The following KTN1 variants were observed in gnomAD, a reference collection of about 807,000 sequenced individuals.
KTN1 encodes the protein kinectin 1.
KTN1 carries 130 observed loss-of-function variants against 222.5 expected under a neutral mutation model. That is an observed-to-expected ratio of 0.58 (90% confidence interval 0.51 to 0.68). KTN1 has a LOEUF of 0.68. KTN1 is among the 30% of genes least tolerant of loss of function. KTN1 has a pLI of 0.00. For missense variants in KTN1, 1,508 were observed against 1,500.4 expected, an observed-to-expected ratio of 1.01 and a Z score of -0.08; for synonymous variants, 512 against 496.3, an observed-to-expected ratio of 1.03 and a Z score of -0.42.
intron 1 of KTN1, among the ~76,000 whole-genome samples, chr14:55,581,456 T>TGTGAGTGTGTGTGTGTGA (rs1164859230): frequency 2.3e-4 from 35 of 151,826 alleles, no homozygotes; most frequent in African/African-American, 8.2e-4. Context: ...TGTGTGTGTG[T>TGTGAGTGTGTGTGTGTGA]GTGAGTGTGT....
In KTN1 at chr14:55,647,118, A is replaced by G. The variant is rs75802243; in HGVS notation, c.2207+111A>G. The G allele has an allele frequency of 8.1e-3, 5,905 of 726,906 alleles. 268 individuals carry two copies. In the African/African-American group the frequency reaches 0.093, roughly 11 times the overall value. 45.0% of individuals were successfully genotyped at this position (726,906 alleles called of 1,614,324 possible). A position where few individuals can be genotyped will look rare whatever the true frequency, so the allele number is the denominator to read the frequency against. On this transcript the variant is annotated intron_variant, in intron 19 of 43. Transcript: ENST00000395314. The stretch of plus-strand genomic sequence containing the variant: ...AACTTTGTAATGGAAGAAATGTAGT[A>G]TGCTGTTGATTTGGGATTACATTAC...
chr14:55,684,317 CTGTT>C lies in KTN1; in HGVS notation c.*217_*220del, dbSNP rs984086653. 16 of 418,020 alleles carry C rather than the reference CTGTT, an allele frequency of 3.8e-5. No individual in the cohort carries two copies. Among genetic ancestry groups the C allele is most frequent in the African/African-American group, 3.3e-4 (16 of 48,414 alleles). The allele number at this position is 418,020 out of a possible 1,614,324, so 25.9% of individuals were successfully genotyped here. ...TCAGAGTTTAGTTTTATAATAAAAACTGTTTGAATAATTAGACCTTTACATTCCT... is the reference window on the plus strand; with the variant it reads ...TCAGAGTTTAGTTTTATAATAAAAACTGAATAATTAGACCTTTACATTCCT... On this transcript the variant is annotated 3_prime_UTR_variant, in exon 44 of 44. Coordinates refer to ENST00000395314, the MANE Select transcript of KTN1 (RefSeq NM_001079521.2).
At position 55,633,000 on chromosome 14, in the gene KTN1, A is replaced by G. The variant is rs2040706547; in HGVS notation, c.1222-235A>G. ...AGCATGTTTATCTTGTATTTCAAATATGATAGCAGCTAGCATCTACTTGTA... is the reference window on the plus strand; with the variant it reads ...AGCATGTTTATCTTGTATTTCAAATGTGATAGCAGCTAGCATCTACTTGTA... On this transcript the variant is annotated intron_variant, in intron 7 of 43. Coordinates refer to ENST00000395314, the MANE Select transcript of KTN1 (RefSeq NM_001079521.2). Among the ~76,000 whole-genome samples, 3 of 152,364 alleles carry G rather than the reference A, an allele frequency of 2.0e-5. No homozygotes were observed. In the South Asian group the frequency reaches 6.2e-4, roughly 32 times the overall value.
intron 2 of KTN1, among the ~76,000 whole-genome samples, chr14:55,616,104 G>A (rs956184190): frequency 5.3e-5 from 8 of 151,994 alleles, no homozygotes; most frequent in Admixed American, 5.3e-4. Context: ...TCGTAGAGAT[G>A]GAGTTTTGTA....
chr14:55,594,512 T>C (rs1018625001), intron 1 of KTN1, among the ~76,000 whole-genome samples: 43 of 151,758 alleles, frequency 2.8e-4, no homozygotes, highest in African/African-American at 9.7e-4. Context: ...TTTTTTTTTT[T>C]TTTTCATTTT....
At chr14:55,642,965 A>G (rs1227153804) in intron 18 of KTN1, among the ~76,000 whole-genome samples, 1 of 151,158 alleles carries the variant, frequency 6.6e-6, no homozygotes, top group African/African-American at 2.4e-5. Flanking sequence ...GCTGGAGTTC[A>G]GTAGCACTAT....
intron 1 of KTN1, among the ~76,000 whole-genome samples, chr14:55,604,630 T>C (rs1220780547): frequency 6.6e-6 from 1 of 152,244 alleles, no homozygotes; most frequent in African/African-American, 2.4e-5. Flanking sequence ...AGTAGAATGT[T>C]AGCTCTGTGA....
At chr14:55,583,873 C>T (rs923051038) in intron 1 of KTN1, among the ~76,000 whole-genome samples, 3 of 152,128 alleles carry the variant, frequency 2.0e-5, no homozygotes, top group Admixed American at 6.5e-5. Context: ...GGTAAAAAAA[C>T]GTTGGAGTCA....
At chr14:55,665,302 T>C (rs2044597998) in intron 33 of KTN1, among the ~76,000 whole-genome samples, 1 of 152,030 alleles carries the variant, frequency 6.6e-6, no homozygotes, top group South Asian at 2.1e-4. Flanking sequence ...GTTTTATTTT[T>C]TTAGTGGGAC....
chr14:55,678,009 T>G (rs1449631794), intron 41 of KTN1, among the ~76,000 whole-genome samples: 1 of 152,176 alleles, frequency 6.6e-6, no homozygotes, highest in Admixed American at 6.5e-5. Flanking sequence ...CATGGCCCTT[T>G]AAAAAGTAAA....
At position 55,671,865 on chromosome 14, in the gene KTN1, G is replaced by C. The variant is rs1431436342; in HGVS notation, c.3519G>C (p.Lys1173Asn). The change falls in exon 37 of 44, where the codon AAG (lysine) becomes AAC (asparagine). Residue 1173 changes from lysine (K) to asparagine (N), a missense_variant. Lys to Asn is a moderately conservative substitution (Grantham distance 94). Coordinates refer to ENST00000395314, the MANE Select transcript of KTN1 (RefSeq NM_001079521.2). ...KWKVKVDESH[K>N]TIKQMQSSFT... is the part of the protein sequence containing the mutation. The stretch of plus-strand genomic sequence containing the variant: ...AAGTTAAGGTCGATGAATCACACAA[G>C]ACTATTAAACAGGTATTTACAAAAG... 6.3e-7 allele frequency: 1 copy of C among 1,581,006 alleles called. No homozygotes were observed. Among genetic ancestry groups the C allele is most frequent in the African/African-American group, 1.3e-5 (1 of 74,398 alleles).
intron 13 of KTN1, 114 bp downstream of exon 13, chr14:55,639,336 C>T: frequency 3.3e-6 from 2 of 600,946 alleles, no homozygotes; most frequent in South Asian, 3.3e-5. Flanking sequence ...AGAAAATACT[C>T]TGAACTAGAT....
Position 55,669,834 on chromosome 14 carries a change from T to C in KTN1, c.3268-895T>C, listed in dbSNP as rs76939573. ...AGCATCTACTTTTGTTTTTTGTTATTTGATAGTTTCCAGAGAATCCTGATT... is the reference window on the plus strand; with the variant it reads ...AGCATCTACTTTTGTTTTTTGTTATCTGATAGTTTCCAGAGAATCCTGATT... On this transcript the variant is annotated intron_variant, in intron 34 of 43. Coordinates refer to ENST00000395314, the MANE Select transcript of KTN1 (RefSeq NM_001079521.2). Among the ~76,000 whole-genome samples, 239 of 152,116 alleles carry C rather than the reference T, an allele frequency of 1.6e-3. 13 individuals are homozygous for C. The East Asian group carries it at 0.045, about 28-fold the overall frequency.
At chr14:55,661,302 A>G in intron 31 of KTN1, 1 of 414,116 alleles carries the variant, frequency 2.4e-6, no homozygotes, top group East Asian at 3.9e-5. Context: ...CACAAGCCTG[A>G]GCATACCATA....
At chr14:55,634,708 T>G in intron 9 of KTN1, 50 bp downstream of exon 9, 1 of 1,520,808 alleles carries the variant, frequency 6.6e-7, no homozygotes, top group Non-Finnish European at 8.9e-7. Flanking sequence ...TATAGGCGTA[T>G]TAGTTCGTTT....
chr14:55,655,056 A>T (rs2043326868), intron 28 of KTN1, among the ~76,000 whole-genome samples: 1 of 151,816 alleles, frequency 6.6e-6, no homozygotes, highest in Non-Finnish European at 1.5e-5. Context: ...GGCTGTGATC[A>T]TGGCTCACTG....
At chr14:55,653,143 G>A (rs2043118185) in intron 27 of KTN1, 58 bp downstream of exon 27, 3 of 1,152,406 alleles carry the variant, frequency 2.6e-6, no homozygotes, top group Non-Finnish European at 3.8e-6. Flanking sequence ...CTTTGTTTAA[G>A]GCATTAGAAA....
At chr14:55,640,787 A>C (rs2041711366) in intron 15 of KTN1, 146 bp from the exon 16 acceptor site, 1 of 675,796 alleles carries the variant, frequency 1.5e-6, no homozygotes, top group African/African-American at 1.8e-5. Flanking sequence ...AATATCGAAC[A>C]GCAAAACATG....
chr14:55,642,025 A>G (rs573291295), intron 18 of KTN1, among the ~76,000 whole-genome samples: 23 of 152,184 alleles, frequency 1.5e-4, no homozygotes, highest in African/African-American at 5.1e-4. Context: ...ATTTTGATAC[A>G]TTTGACTTTC....
Sources: gnomAD v4.1 joint callset for allele counts (sites outside exome capture counted in the v4.1 genomes callset) on GRCh38, gnomAD v4.1.1 for gene constraint, MANE v1.5 for transcripts, NCBI Gene and HGNC (gene_info 2026-07-23, HGNC 2026-07-21) for gene names.